The following B4GALT6 variants were observed in gnomAD, a reference collection of about 807,000 sequenced individuals.
B4GALT6 encodes the protein UDP-Gal:beta-GlcNAc beta-1,4-galactosyltransferase 6.
Under a neutral mutation model 46.3 loss-of-function variants are expected in B4GALT6, and 14 were observed. The observed-to-expected ratio is 0.30, with a 90% confidence interval of 0.20 to 0.47. The LOEUF is 0.47. Ranked by LOEUF, B4GALT6 falls within the 20% of genes least tolerant of loss-of-function variation. The pLI, the probability that B4GALT6 is intolerant of heterozygous loss-of-function variation, is 0.99. For missense variants in B4GALT6, 386 were observed against 480.1 expected (o/e 0.80, Z 1.83); for synonymous variants, 168 against 162.0 (o/e 1.04, Z -0.28).
At chr18:31,629,271 G>C (rs1207878461) in intron 6 of B4GALT6, among the ~76,000 whole-genome samples, 1 of 151,874 alleles carries the variant, frequency 6.6e-6, no homozygotes, top group African/African-American at 2.4e-5. Flanking sequence ...ATTTTCAACT[G>C]CATTCCGGTG....
intron 1 of B4GALT6, among the ~76,000 whole-genome samples, chr18:31,670,297 C>T (rs2074335449): frequency 6.6e-6 from 1 of 152,082 alleles, no homozygotes; most frequent in Non-Finnish European, 1.5e-5. Context: ...TCAGGCAATC[C>T]GCCCGCCTCA....
At chr18:31,687,422 G>A (rs1271731412), upstream of B4GALT6, among the ~76,000 whole-genome samples, 3 of 152,158 alleles carry the variant, frequency 2.0e-5, no homozygotes, top group African/African-American at 7.2e-5. Context: ...CATAGTCTGA[G>A]GGATGCCTCA....
the B4GALT6 span, among the ~76,000 whole-genome samples, chr18:31,693,528 A>T: frequency 6.6e-6 from 1 of 152,256 alleles, no homozygotes; most frequent in Admixed American, 6.5e-5. Flanking sequence ...AAATGTTAAC[A>T]TGAGATCATA....
chr18:31,688,235 A>G (rs1271933873), upstream of B4GALT6, among the ~76,000 whole-genome samples: 1 of 150,532 alleles, frequency 6.6e-6, no homozygotes, highest in African/African-American at 2.4e-5. Flanking sequence ...ATTTATATAC[A>G]TATAATTGAG....
intron 2 of B4GALT6, among the ~76,000 whole-genome samples, chr18:31,660,280 AC>A (rs2074196690): frequency 6.6e-6 from 1 of 152,124 alleles, no homozygotes; most frequent in South Asian, 2.1e-4. Flanking sequence ...CTACATATAT[AC>A]CAAAATTCTT....
the B4GALT6 span, among the ~76,000 whole-genome samples, chr18:31,704,277 CA>C: frequency 6.6e-6 from 1 of 150,624 alleles, no homozygotes; most frequent in Non-Finnish European, 1.5e-5. Context: ...GGTGTGATCT[CA>C]GCTTACTGCA....
intron 3 of B4GALT6, among the ~76,000 whole-genome samples, chr18:31,649,319 A>G (rs1033065726): frequency 1.6e-5 from 1 of 60,944 alleles, no homozygotes; most frequent in African/African-American, 6.9e-5. Flanking sequence ...CATAAGACAG[A>G]GCATTAGTCA....
chr18:31,723,970 C>T, the B4GALT6 span, among the ~76,000 whole-genome samples: 45 of 151,722 alleles, frequency 3.0e-4, no homozygotes, highest in East Asian at 5.8e-3. Context: ...CCCCACCCCA[C>T]CCCACCAGGC....
chr18:31,663,462 G>A (rs986774929), intron 2 of B4GALT6, among the ~76,000 whole-genome samples: 1 of 152,088 alleles, frequency 6.6e-6, no homozygotes, highest in Non-Finnish European at 1.5e-5. Context: ...TGGGCTACAT[G>A]GCACCATCTG....
intron 1 of B4GALT6, among the ~76,000 whole-genome samples, chr18:31,672,667 T>G (rs189789778): frequency 2.6e-5 from 4 of 152,356 alleles, no homozygotes; most frequent in Admixed American, 6.5e-5. Flanking sequence ...TTACATATAC[T>G]AACCTATGTA....
At chr18:31,689,075 G>A (rs143321810), upstream of B4GALT6, among the ~76,000 whole-genome samples, 4 of 152,262 alleles carry the variant, frequency 2.6e-5, no homozygotes, top group East Asian at 5.8e-4. Context: ...GTGAAGGCCC[G>A]ACTACTATCT....
At chr18:31,684,842 C>G, upstream of B4GALT6, 1 of 889,036 alleles carries the variant, frequency 1.1e-6, no homozygotes, top group Non-Finnish European at 1.3e-6. Context: ...CTAACTGCAG[C>G]ACGCCCGGCT....
At chr18:31,677,384 C>G (rs1324900120) in intron 1 of B4GALT6, among the ~76,000 whole-genome samples, 1 of 152,164 alleles carries the variant, frequency 6.6e-6, no homozygotes, top group Non-Finnish European at 1.5e-5. Flanking sequence ...CACAGGCAGT[C>G]TAACCATGAA....
chr18:31,721,638 A>T, the B4GALT6 span, among the ~76,000 whole-genome samples: 1 of 152,218 alleles, frequency 6.6e-6, no homozygotes, highest in African/African-American at 2.4e-5. Flanking sequence ...CCAATCAGTT[A>T]AAGGTCTTAA....
At chr18:31,664,474 T>C (rs2074259840) in intron 2 of B4GALT6, among the ~76,000 whole-genome samples, 1 of 152,014 alleles carries the variant, frequency 6.6e-6, no homozygotes. Flanking sequence ...AAGTATGCAT[T>C]GGTTCTTTGG....
At chr18:31,663,118 T>C (rs181719194) in intron 2 of B4GALT6, among the ~76,000 whole-genome samples, 33 of 152,314 alleles carry the variant, frequency 2.2e-4, no homozygotes, top group African/African-American at 4.6e-4. Flanking sequence ...GAATGAAAAC[T>C]GCCAGATGGA....
At chr18:31,657,704 G>A (rs1384441671) in intron 3 of B4GALT6, among the ~76,000 whole-genome samples, 4 of 152,146 alleles carry the variant, frequency 2.6e-5, no homozygotes, top group African/African-American at 9.7e-5. Flanking sequence ...TAGGTAAGCC[G>A]AAGTATTAGT....
chr18:31,695,243 TTAAAC>T, the B4GALT6 span, among the ~76,000 whole-genome samples: 10 of 151,840 alleles, frequency 6.6e-5, no homozygotes, highest in Admixed American at 6.6e-4. Flanking sequence ...GGTTTCCAGT[TTAAAC>T]TAATGAAATA....
chr18:31,657,598 A>G (rs1421611064), intron 3 of B4GALT6, among the ~76,000 whole-genome samples: 4 of 152,246 alleles, frequency 2.6e-5, no homozygotes, highest in Admixed American at 6.5e-5. Context: ...GATGGTGGTC[A>G]AAAAGGACTG....
Sources: allele counts gnomAD v4.1 joint callset (sites outside exome capture counted in the v4.1 genomes callset), GRCh38; gene constraint gnomAD v4.1.1; transcripts MANE v1.5; gene names NCBI Gene and HGNC (gene_info 2026-07-23, HGNC 2026-07-21).